CCSER1: variants seen among roughly 807,000 people sequenced by gnomAD.
CCSER1 encodes coiled-coil serine rich protein 1, also known as serine-rich coiled-coil domain-containing protein 1.
CCSER1 carries 41 observed loss-of-function variants against 82.0 expected under a neutral mutation model. That is an observed-to-expected ratio of 0.50 (90% CI 0.39 to 0.65). The LOEUF (loss-of-function observed/expected upper bound fraction) is 0.65, where lower values mean the gene tolerates loss of function less well. Among genes scored for constraint, CCSER1 ranks in the 30% least tolerant of loss-of-function variants. The pLI is 0.00. For synonymous variants in CCSER1, 414 were observed against 383.9 expected (o/e 1.08, Z -0.92); for missense variants, 1,119 against 1,064.2 (o/e 1.05, Z -0.72).
At chr4:90,141,060 C>CTATCTATCT (rs1724704141) in intron 1 of CCSER1, among the ~76,000 whole-genome samples, 2 of 151,828 alleles carry the variant, frequency 1.3e-5, no homozygotes, top group South Asian at 4.2e-4. Flanking sequence ...ATCTATCTAT[C>CTATCTATCT]TATTGTCTGT....
intron 6 of CCSER1, among the ~76,000 whole-genome samples, chr4:90,631,652 T>G (rs1724461136): frequency 6.6e-6 from 1 of 152,168 alleles, no homozygotes; most frequent in Admixed American, 6.5e-5. Context: ...TTCAGGGTTG[T>G]GGAGTAATAA....
At position 90,529,935 on chromosome 4, in the gene CCSER1, G is replaced by T. The variant is rs547298336; in HGVS notation, c.1724+61581G>T. Among the ~76,000 whole-genome samples, 7 of 125,064 alleles carry T rather than the reference G, an allele frequency of 5.6e-5. 1 individual carries two copies. In the South Asian group the frequency reaches 1.8e-3, roughly 32 times the overall value. 82.0% of individuals were successfully genotyped at this position (125,064 alleles called of 152,430 possible). A position where few individuals can be genotyped will look rare whatever the true frequency, so the allele number is the denominator to read the frequency against. On this transcript the variant is annotated intron_variant, in intron 5 of 10. Coordinates refer to ENST00000509176, the MANE Select transcript of CCSER1 (RefSeq NM_001145065.2). Reference sequence around the variant, plus strand: ...AGATCCTTTAGCAGCATATTAAATAGAATATATATATATATATTTTTTTTT... The same window carrying T: ...AGATCCTTTAGCAGCATATTAAATATAATATATATATATATATTTTTTTTT...
intron 5 of CCSER1, among the ~76,000 whole-genome samples, chr4:90,553,310 G>A (rs984080205): frequency 6.6e-6 from 1 of 152,138 alleles, no homozygotes; most frequent in Non-Finnish European, 1.5e-5. Flanking sequence ...TATTGGTGGT[G>A]TGCTAATGGT....
intron 5 of CCSER1, among the ~76,000 whole-genome samples, chr4:90,492,213 C>T (rs902226683): frequency 6.6e-6 from 1 of 152,068 alleles, no homozygotes; most frequent in Non-Finnish European, 1.5e-5. Context: ...TTGGTCTGTT[C>T]AGGGATTCAA....
intron 10 of CCSER1, among the ~76,000 whole-genome samples, chr4:91,531,311 C>G (rs1252738045): frequency 6.6e-6 from 1 of 152,094 alleles, no homozygotes; most frequent in East Asian, 1.9e-4. Context: ...TGTTAATTTT[C>G]CTTATGCCTA....
intron 1 of CCSER1, among the ~76,000 whole-genome samples, chr4:90,285,545 G>T (rs1560948452): frequency 6.6e-6 from 1 of 151,976 alleles, no homozygotes; most frequent in Non-Finnish European, 1.5e-5. Context: ...TTCTGGTTAA[G>T]TCTTTCAGTT....
intron 8 of CCSER1, among the ~76,000 whole-genome samples, chr4:90,878,159 A>G (rs1176991099): frequency 6.6e-6 from 1 of 152,080 alleles, no homozygotes; most frequent in African/African-American, 2.4e-5. Flanking sequence ...CTTCTCTTTT[A>G]TTCAGCCACA....
chr4:90,346,093 G>C (rs1312605047), intron 3 of CCSER1, among the ~76,000 whole-genome samples: 1 of 151,782 alleles, frequency 6.6e-6, no homozygotes, highest in South Asian at 2.1e-4. Flanking sequence ...TATATAAAAT[G>C]GTGTTTAAAT....
intron 10 of CCSER1, among the ~76,000 whole-genome samples, chr4:91,534,277 T>C (rs998681510): frequency 1.3e-5 from 2 of 152,168 alleles, no homozygotes; most frequent in South Asian, 2.1e-4. Context: ...GTCTCTATCA[T>C]TTTGCTCACA....
At chr4:91,243,526 A>G (rs760065054) in intron 10 of CCSER1, among the ~76,000 whole-genome samples, 7 of 152,134 alleles carry the variant, frequency 4.6e-5, no homozygotes, top group Non-Finnish European at 1.0e-4. Context: ...GATTAAGGAG[A>G]GGAGGTCAAA....
intron 10 of CCSER1, among the ~76,000 whole-genome samples, chr4:91,207,711 G>A (rs1736461026): frequency 6.6e-6 from 1 of 151,750 alleles, no homozygotes; most frequent in Non-Finnish European, 1.5e-5. Flanking sequence ...GTGGCTTCAT[G>A]GGAGAACAAT....
intron 9 of CCSER1, among the ~76,000 whole-genome samples, chr4:91,072,618 G>T (rs1201628947): frequency 6.6e-6 from 1 of 152,012 alleles, no homozygotes; most frequent in African/African-American, 2.4e-5. Context: ...TAAAAATAAA[G>T]TATTAGTTAC....
chr4:90,982,255 A>G (rs1736181370), intron 9 of CCSER1, among the ~76,000 whole-genome samples: 1 of 151,746 alleles, frequency 6.6e-6, no homozygotes. Context: ...TGACAGAAAG[A>G]GTGAGCTCTG....
chr4:91,167,032 C>G (rs1732154099), intron 10 of CCSER1, among the ~76,000 whole-genome samples: 1 of 152,034 alleles, frequency 6.6e-6, no homozygotes. Flanking sequence ...ATAGCTTTTA[C>G]TCCCTAAAGT....
intron 6 of CCSER1, among the ~76,000 whole-genome samples, chr4:90,720,278 T>C (rs534606285): frequency 7.0e-6 from 1 of 142,160 alleles, no homozygotes; most frequent in African/African-American, 2.6e-5. Context: ...GGAGCCCTGG[T>C]TTGTTTTTTA....
At chr4:90,487,753 T>A (rs1479224771) in intron 5 of CCSER1, among the ~76,000 whole-genome samples, 1 of 152,114 alleles carries the variant, frequency 6.6e-6, no homozygotes, top group Non-Finnish European at 1.5e-5. Flanking sequence ...CAAGCGATTC[T>A]GCCTCAGCCT....
intron 10 of CCSER1, among the ~76,000 whole-genome samples, chr4:91,378,730 A>T (rs1008410481): frequency 6.6e-6 from 1 of 152,152 alleles, no homozygotes; most frequent in Non-Finnish European, 1.5e-5. Flanking sequence ...TTCCTAGCTG[A>T]ATACCCTTTA....
chr4:91,454,010 A>T (rs1384321918), intron 10 of CCSER1, among the ~76,000 whole-genome samples: 1 of 152,082 alleles, frequency 6.6e-6, no homozygotes, highest in Non-Finnish European at 1.5e-5. Context: ...ACAGCATTCT[A>T]TATTAAGTGT....
At chr4:90,133,222 C>G (rs1348480200) in intron 1 of CCSER1, among the ~76,000 whole-genome samples, 1 of 152,126 alleles carries the variant, frequency 6.6e-6, no homozygotes, top group Non-Finnish European at 1.5e-5. Context: ...ATTCCATTGT[C>G]CATCAAAAGT....
Sources: allele counts gnomAD v4.1 joint callset (sites outside exome capture counted in the v4.1 genomes callset), GRCh38; gene constraint gnomAD v4.1.1; transcripts MANE v1.5; gene names NCBI Gene and HGNC (gene_info 2026-07-23, HGNC 2026-07-21).